The following LIN54 variants were observed in gnomAD, a reference collection of about 807,000 sequenced individuals.
LIN54 encodes the protein lin-54 DREAM MuvB core complex component, also known as protein lin-54 homolog.
A neutral mutation model predicts 78.7 loss-of-function variants in LIN54; 9 were observed. The observed-to-expected ratio is 0.11, with a 90% CI of 0.07 to 0.20. The LOEUF (loss-of-function observed/expected upper bound fraction) is 0.20. Among genes scored for constraint, LIN54 ranks in the 10% least tolerant of loss-of-function variants. LIN54 has a pLI of 1.00. For missense variants in LIN54, 573 were observed against 889.9 expected, an observed-to-expected ratio of 0.64 and a Z score of 4.53; for synonymous variants, 269 against 318.4, an observed-to-expected ratio of 0.84 and a Z score of 1.65.
At position 82,983,843 on chromosome 4, in the gene LIN54, G is replaced by A. The variant is rs112616861; in HGVS notation, c.684+318C>T. Reference sequence around the variant, plus strand: ...TTTTGATAGCCCAGCAGCAAGTCTGGCATATTTATACCAGCAAAACATCCT... The same window carrying A: ...TTTTGATAGCCCAGCAGCAAGTCTGACATATTTATACCAGCAAAACATCCT... On this transcript the variant is annotated intron_variant, in intron 2 of 12. Transcript: ENST00000340417. Among the ~76,000 whole-genome samples, 345 of 152,068 alleles carry A rather than the reference G, an allele frequency of 2.3e-3. 3 individuals are homozygous for A. The highest frequency in any genetic ancestry group is 8.0e-3 in the African/African-American group (330 of 41,462).
At chr4:82,966,650 A>ATTCT (rs2126066919) in intron 4 of LIN54, among the ~76,000 whole-genome samples, 1 of 152,174 alleles carries the variant, frequency 6.6e-6, no homozygotes, top group East Asian at 1.9e-4. Flanking sequence ...AGACAGTCTC[A>ATTCT]TTCTGTCAAC....
chr4:82,999,712 A>T (rs558041194), intron 1 of LIN54, among the ~76,000 whole-genome samples: 1 of 144,924 alleles, frequency 6.9e-6, no homozygotes, highest in Non-Finnish European at 1.5e-5. Flanking sequence ...CGGGAGGCAG[A>T]GGCTACAGTG....
In LIN54 at chr4:82,927,490, A is replaced by G. The variant is rs1049796624; in HGVS notation, c.*612T>C. ...GAGATTTACTGTCCTTTAATATTTT[A>G]TATGTTTTTTTAAATAACTTTAAAA... On this transcript the variant is annotated 3_prime_UTR_variant, in exon 13 of 13. Transcript: ENST00000340417. 1.3e-5 allele frequency: 2 copies of G among 152,160 alleles called. No homozygotes were observed. Among genetic ancestry groups the G allele is most frequent in the African/African-American group, 2.4e-5 (1 of 41,412 alleles). 9.4% of individuals were successfully genotyped at this position (152,160 alleles called of 1,614,324 possible).
In LIN54 at chr4:82,927,854, C is replaced by T; in HGVS notation, c.*248G>A. 1 of 394,132 alleles carries T rather than the reference C, an allele frequency of 2.5e-6. No individual in the cohort carries two copies. The highest frequency in any genetic ancestry group is 4.5e-6 in the Non-Finnish European group (1 of 222,318). The allele number at this position is 394,132 out of a possible 1,614,324, so 24.4% of individuals were successfully genotyped here. A position where few individuals can be genotyped will look rare whatever the true frequency, so the allele number is the denominator to read the frequency against. ...GAGAACATCTAATTCTTAAGAAACC[C>T]AAGCAAATTAAAAAATCTATATAAT... is the stretch of plus-strand genomic sequence containing the variant. On this transcript the variant is annotated 3_prime_UTR_variant, in exon 13 of 13. Coordinates refer to ENST00000340417, the MANE Select transcript of LIN54 (RefSeq NM_194282.4).
At chr4:82,938,327 A>G in intron 8 of LIN54, 86 bp downstream of exon 8, 1 of 773,408 alleles carries the variant, frequency 1.3e-6, no homozygotes, top group Non-Finnish European at 2.2e-6. Context: ...GAAAAAAATA[A>G]AAGAGGATGT....
chr4:83,001,605 G>C (rs1294474572), intron 1 of LIN54, among the ~76,000 whole-genome samples: 1 of 151,184 alleles, frequency 6.6e-6, no homozygotes, highest in Non-Finnish European at 1.5e-5. Flanking sequence ...CAGCACCTTG[G>C]GAGGCCGAGG....
intron 4 of LIN54, among the ~76,000 whole-genome samples, chr4:82,955,396 T>TAACATAACATAACATAACAC (rs1560741709): frequency 5.3e-5 from 8 of 151,142 alleles, no homozygotes; most frequent in African/African-American, 1.9e-4. Flanking sequence ...TAACATAACA[T>TAACATAACATAACATAACAC]AACATAACAT....
chr4:82,976,684 G>A (rs1487978787), intron 3 of LIN54, among the ~76,000 whole-genome samples: 1 of 152,126 alleles, frequency 6.6e-6, no homozygotes, highest in East Asian at 1.9e-4. Context: ...CTCCAGCCTC[G>A]GTGACAGGGC....
rs1729794805 is a variant in LIN54, at chr4:83,010,650, G to T, written c.-199C>A. The stretch of plus-strand genomic sequence containing the variant: ...AACTGGAGCGCTCCAGGGTACCCGG[G>T]GACCGAGAAGGGAGCCGGGGTGGCG... On this transcript the variant is annotated 5_prime_UTR_variant, in exon 1 of 13. Transcript: ENST00000340417. 8.1e-7 allele frequency: 1 copy of T among 1,231,410 alleles called. No individual in the cohort carries two copies. Among genetic ancestry groups the T allele is most frequent in the South Asian group, 4.1e-5 (1 of 24,320 alleles). 76.3% of individuals were successfully genotyped at this position (1,231,410 alleles called of 1,614,324 possible).
At chr4:82,977,176 C>G (rs1432522882) in intron 3 of LIN54, among the ~76,000 whole-genome samples, 3 of 152,192 alleles carry the variant, frequency 2.0e-5, no homozygotes, top group African/African-American at 7.2e-5. Context: ...CAGGGACTCT[C>G]TCAGAGTCTC....
intron 1 of LIN54, among the ~76,000 whole-genome samples, chr4:83,007,938 T>C (rs143055058): frequency 4.0e-4 from 61 of 152,254 alleles, no homozygotes; most frequent in Admixed American, 7.2e-4. Flanking sequence ...TGTATTATCT[T>C]TGACATCTCT....
rs898329328 is a variant in LIN54, at chr4:82,974,132, C to T, written c.809-3663G>A. Among the ~76,000 whole-genome samples the T allele has an allele frequency of 4.0e-5, 6 of 151,880 alleles. No homozygotes were observed. In the South Asian group the frequency reaches 6.2e-4, roughly 16 times the overall value. On this transcript the variant is annotated intron_variant, in intron 3 of 12. Coordinates refer to ENST00000340417, the MANE Select transcript of LIN54 (RefSeq NM_194282.4). ...GGCTGAGGCAAGAGAATGGCGTGAACCCAGGAGGCGGAGCTTGCAGTGAGC... is the reference window on the plus strand; with the variant it reads ...GGCTGAGGCAAGAGAATGGCGTGAATCCAGGAGGCGGAGCTTGCAGTGAGC...
chr4:82,946,206 C>T, intron 5 of LIN54, 52 bp downstream of exon 5: 3 of 1,450,292 alleles, frequency 2.1e-6, no homozygotes, highest in Non-Finnish European at 2.9e-6. Flanking sequence ...GACAAATGTT[C>T]TTTAATCATG....
At chr4:82,932,116 A>T (rs1373792918) in intron 11 of LIN54, among the ~76,000 whole-genome samples, 4 of 124,248 alleles carry the variant, frequency 3.2e-5, no homozygotes, top group African/African-American at 6.3e-5. Context: ...TTTTTTTGAG[A>T]TGGAGTCTCG....
chr4:82,958,585 T>C lies in LIN54; in HGVS notation c.951+11742A>G, dbSNP rs138370686. On this transcript the variant is annotated intron_variant, in intron 4 of 12. Transcript: ENST00000340417. The stretch of plus-strand genomic sequence containing the variant: ...AAATATTTGCATTTAAAAATAAAAC[T>C]GCTACGTTACTTTTTAAAGTGCAGT... 3.2e-4 allele frequency among the ~76,000 whole-genome samples: 48 copies of C among 152,330 alleles called. 1 individual carries two copies. The East Asian group carries it at 6.6e-3, about 21-fold the overall frequency.
chr4:82,952,401 C>G (rs886795617), intron 4 of LIN54, among the ~76,000 whole-genome samples: 3 of 152,070 alleles, frequency 2.0e-5, no homozygotes, highest in Admixed American at 2.0e-4. Context: ...TAGGGAAATA[C>G]AAGTCAAAAC....
rs1729806017 is a variant in LIN54 at position 83,010,787 on chromosome 4, C to G, written c.-336G>C. 1.6e-6 allele frequency: 2 copies of G among 1,235,072 alleles called. No individual in the cohort carries two copies. The highest frequency in any genetic ancestry group is 1.0e-6 in the Non-Finnish European group (1 of 990,918). The allele number at this position is 1,235,072 out of a possible 1,614,324, so 76.5% of individuals were successfully genotyped here. ...ACAGCTCAGCAGCTTCCCCGACAGCCGGAGCCCGGGCCGCCGCCGCCGCCG... is the reference window on the plus strand; with the variant it reads ...ACAGCTCAGCAGCTTCCCCGACAGCGGGAGCCCGGGCCGCCGCCGCCGCCG... On this transcript the variant is annotated 5_prime_UTR_variant, in exon 1 of 13. Coordinates refer to ENST00000340417, the MANE Select transcript of LIN54 (RefSeq NM_194282.4).
In LIN54 at chr4:82,939,605, G is replaced by T; in HGVS notation, c.1374C>A (p.Val458=). 6.2e-7 allele frequency: 1 copy of T among 1,614,238 alleles called. No individual in the cohort carries two copies. Among genetic ancestry groups the T allele is most frequent in the Non-Finnish European group, 8.5e-7 (1 of 1,180,048 alleles). ...PNLTNLPPGT[V]LAPAPGTGNV... is the part of the protein sequence containing the mutation. ...TCCCTGTTCCCGGAGCTGGTGCCAG[G>T]ACAGTGCCTGGTGGCAGGTTAGTGA... The change falls in exon 7 of 13, where the codon GTC becomes GTA. Residue 458 remains valine, a synonymous_variant. Transcript: ENST00000340417.
At chr4:83,003,475 G>A (rs538885342) in intron 1 of LIN54, 26 of 152,144 alleles carry the variant, frequency 1.7e-4, no homozygotes, top group African/African-American at 6.0e-4. Context: ...TATGGCCCCT[G>A]CACAAGGACG....
Sources: allele counts gnomAD v4.1 joint callset (sites outside exome capture counted in the v4.1 genomes callset), GRCh38; gene constraint gnomAD v4.1.1; transcripts MANE v1.5; gene names NCBI Gene and HGNC (gene_info 2026-07-23, HGNC 2026-07-21).